DLGAP2: variants seen among roughly 807,000 people sequenced by gnomAD.
DLGAP2 encodes DLG associated protein 2.
In DLGAP2, 26 loss-of-function variants were observed where a neutral mutation model predicts 100.3. The observed-to-expected ratio is 0.26, with a 90% CI of 0.19 to 0.36. The LOEUF is 0.36. Among genes scored for constraint, DLGAP2 ranks in the 10% least tolerant of loss-of-function variants. The probability of loss-of-function intolerance (pLI) is 1.00; values close to 1 mark genes in which losing one functional copy is unlikely to be tolerated. For missense variants in DLGAP2, 1,858 were observed against 1,453.2 expected (o/e 1.28, Z -4.53); for synonymous variants, 886 against 630.1 (o/e 1.41, Z -6.08).
chr8:904,628 C>A (rs1798337389), intron 1 of DLGAP2, among the ~76,000 whole-genome samples: 1 of 152,216 alleles, frequency 6.6e-6, no homozygotes, highest in Non-Finnish European at 1.5e-5. Context: ...GAGGAGGGCC[C>A]TGCTCAGGCT....
At chr8:763,210 C>T (rs764565611) in intron 1 of DLGAP2, among the ~76,000 whole-genome samples, 4 of 152,200 alleles carry the variant, frequency 2.6e-5, no homozygotes, top group Non-Finnish European at 5.9e-5. Flanking sequence ...CTATCAGCAG[C>T]GCAGCCGGGA....
chr8:988,714 C>T (rs1252390186), intron 2 of DLGAP2, among the ~76,000 whole-genome samples: 1 of 152,122 alleles, frequency 6.6e-6, no homozygotes, highest in Admixed American at 6.6e-5. Context: ...CTGCCCTGTC[C>T]ACCTGCCCTC....
intron 2 of DLGAP2, among the ~76,000 whole-genome samples, chr8:1,154,211 G>C (rs1796741497): frequency 6.6e-6 from 1 of 152,100 alleles, no homozygotes; most frequent in Non-Finnish European, 1.5e-5. Flanking sequence ...CTACGGCGTC[G>C]TCCAAGCAAA....
chr8:1,139,266 G>C (rs1796479565), intron 2 of DLGAP2, among the ~76,000 whole-genome samples: 1 of 152,236 alleles, frequency 6.6e-6, no homozygotes, highest in African/African-American at 2.4e-5. Context: ...TCTGCCAACA[G>C]CTGTGCTTAT....
At chr8:1,445,313 C>A (rs1001095607) in intron 3 of DLGAP2, among the ~76,000 whole-genome samples, 3 of 140,186 alleles carry the variant, frequency 2.1e-5, no homozygotes, top group Non-Finnish European at 4.5e-5. Flanking sequence ...TTGTTCAATT[C>A]CCACCTATGA....
At chr8:911,414 C>G (rs1584883504) in intron 2 of DLGAP2, among the ~76,000 whole-genome samples, 1 of 151,780 alleles carries the variant, frequency 6.6e-6, no homozygotes, top group East Asian at 1.9e-4. Context: ...TGGAAACATA[C>G]TGGAGAATGT....
intron 4 of DLGAP2, among the ~76,000 whole-genome samples, chr8:1,548,084 A>G (rs1030682448): frequency 2.0e-5 from 3 of 152,192 alleles, no homozygotes; most frequent in African/African-American, 4.8e-5. Flanking sequence ...GACCTGTTCA[A>G]TCTACTAGAT....
At chr8:795,768 G>C (rs1436053665) in intron 1 of DLGAP2, among the ~76,000 whole-genome samples, 2 of 144,992 alleles carry the variant, frequency 1.4e-5, no homozygotes, top group Non-Finnish European at 1.5e-5. Flanking sequence ...GTGAGAGCAG[G>C]CGTCCAGTGA....
At chr8:1,452,392 G>A (rs6989857) in intron 3 of DLGAP2, among the ~76,000 whole-genome samples, 10 of 152,360 alleles carry the variant, frequency 6.6e-5, no homozygotes, top group Non-Finnish European at 8.8e-5. Flanking sequence ...GAGGCTATGC[G>A]TGCGACAGGT....
intron 3 of DLGAP2, among the ~76,000 whole-genome samples, chr8:1,407,978 TGC>T (rs1796619284): frequency 6.6e-6 from 1 of 152,226 alleles, no homozygotes; most frequent in Non-Finnish European, 1.5e-5. Context: ...TGGGCTGTCC[TGC>T]ACAGCACAGC....
At chr8:1,573,376 G>A (rs1429205070) in intron 6 of DLGAP2, among the ~76,000 whole-genome samples, 1 of 135,842 alleles carries the variant, frequency 7.4e-6, no homozygotes, top group African/African-American at 2.8e-5. Context: ...GGCGTCTGAT[G>A]AGATGGAGGG....
chr8:804,380 A>G (rs975808780), intron 1 of DLGAP2, among the ~76,000 whole-genome samples: 1 of 152,214 alleles, frequency 6.6e-6, no homozygotes. Context: ...GGGTCCACAC[A>G]TATCCCGGCC....
intron 2 of DLGAP2, among the ~76,000 whole-genome samples, chr8:1,053,650 A>G (rs1418421440): frequency 6.6e-6 from 1 of 152,156 alleles, no homozygotes; most frequent in Non-Finnish European, 1.5e-5. Flanking sequence ...TGGAGACGGG[A>G]TAATTCCTGG....
intron 2 of DLGAP2, among the ~76,000 whole-genome samples, chr8:1,112,361 C>T (rs1804985000): frequency 6.6e-6 from 1 of 151,336 alleles, no homozygotes; most frequent in South Asian, 2.1e-4. Context: ...CTGACTCAGC[C>T]TCCCGATTAG....
intron 2 of DLGAP2, among the ~76,000 whole-genome samples, chr8:1,036,721 A>ACAGCTCC (rs1455055673): frequency 6.6e-6 from 1 of 152,144 alleles, no homozygotes; most frequent in Non-Finnish European, 1.5e-5. Context: ...CCGGCTCAGA[A>ACAGCTCC]CAGCTCCCAG....
intron 1 of DLGAP2, among the ~76,000 whole-genome samples, chr8:836,623 G>C (rs534281484): frequency 2.6e-5 from 4 of 152,318 alleles, no homozygotes; most frequent in African/African-American, 7.2e-5. Flanking sequence ...CTGTGGGCAG[G>C]GGGTGGGGTT....
intron 3 of DLGAP2, among the ~76,000 whole-genome samples, chr8:1,468,809 C>T (rs1300822992): frequency 6.6e-6 from 1 of 152,212 alleles, no homozygotes; most frequent in Non-Finnish European, 1.5e-5. Context: ...CTCCTCTTCC[C>T]TCCCACTCTC....
intron 2 of DLGAP2, among the ~76,000 whole-genome samples, chr8:1,147,374 T>G (rs1796626568): frequency 6.6e-6 from 1 of 152,154 alleles, no homozygotes; most frequent in African/African-American, 2.4e-5. Flanking sequence ...CTTGCTACAT[T>G]TATGTATTAT....
intron 2 of DLGAP2, among the ~76,000 whole-genome samples, chr8:1,149,561 C>T (rs1796663607): frequency 6.6e-6 from 1 of 152,142 alleles, no homozygotes; most frequent in African/African-American, 2.4e-5. Context: ...CTTCTTTCAT[C>T]ATTTTACTTT....
Sources: gnomAD v4.1 joint callset for allele counts (sites outside exome capture counted in the v4.1 genomes callset) on GRCh38, gnomAD v4.1.1 for gene constraint, MANE v1.5 for transcripts, NCBI Gene and HGNC (gene_info 2026-07-23, HGNC 2026-07-21) for gene names.